COX7A2L: variants seen among roughly 807,000 people sequenced by gnomAD.
The protein encoded by COX7A2L is cytochrome c oxidase subunit 7A2-like, mitochondrial.
Under a neutral mutation model 14.2 loss-of-function variants are expected in COX7A2L, and 18 were observed. That is an observed-to-expected ratio of 1.27 (90% CI 0.88 to 1.88). The LOEUF is 1.88. COX7A2L is among the 40% of genes most tolerant of loss of function. The pLI is 0.00. For missense variants in COX7A2L, 179 were observed against 138.8 expected, an observed-to-expected ratio of 1.29 and a Z score of -1.46; for synonymous variants, 65 against 57.4, an observed-to-expected ratio of 1.13 and a Z score of -0.60.
At chr2:42,367,455 G>A (rs898212461) in intron 1 of COX7A2L, among the ~76,000 whole-genome samples, 6 of 152,130 alleles carry the variant, frequency 3.9e-5, no homozygotes, top group African/African-American at 1.4e-4. Context: ...AAATGGACAG[G>A]TCTGTAGTCT....
upstream of COX7A2L, among the ~76,000 whole-genome samples, chr2:42,364,664 GTGTGGAAATT>G (rs1342726349): frequency 6.6e-6 from 1 of 152,148 alleles, no homozygotes; most frequent in Non-Finnish European, 1.5e-5. Context: ...GCCCTATCTG[GTGTGGAAATT>G]TTATCTTCCA....
downstream of COX7A2L, among the ~76,000 whole-genome samples, chr2:42,346,300 C>A (rs1670497423): frequency 6.6e-6 from 1 of 152,178 alleles, no homozygotes. Flanking sequence ...AGGACAGGTA[C>A]CTTGGACTCG....
intron 1 of COX7A2L, among the ~76,000 whole-genome samples, chr2:42,356,900 T>C (rs968784177): frequency 6.6e-6 from 1 of 152,208 alleles, no homozygotes; most frequent in African/African-American, 2.4e-5. Context: ...TACTCCAGCC[T>C]GGGCGACAGA....
intron 2 of COX7A2L, 68 bp downstream of exon 2, chr2:42,353,144 G>C: frequency 6.4e-7 from 1 of 1,563,672 alleles, no homozygotes. Context: ...TTAAGATTTA[G>C]TTTCATAAGG....
At chr2:42,347,161 G>A (rs909121617), downstream of COX7A2L, among the ~76,000 whole-genome samples, 8 of 152,258 alleles carry the variant, frequency 5.3e-5, no homozygotes, top group South Asian at 2.1e-4. Context: ...CATGGCGCCC[G>A]GCCTAGTAAG....
At chr2:42,336,398 T>C (rs1279662964) in intron 2 of COX7A2L, among the ~76,000 whole-genome samples, 1 of 152,194 alleles carries the variant, frequency 6.6e-6, no homozygotes, top group Non-Finnish European at 1.5e-5. Context: ...CATCAACTCC[T>C]GACAGGGTGT....
rs141288244 is a variant in COX7A2L at position 42,361,158 on chromosome 2, A to G, written c.4T>C (p.Tyr2His). The G allele has an allele frequency of 3.5e-5, 56 of 1,612,330 alleles. No homozygotes were observed. Among genetic ancestry groups the G allele is most frequent in the Middle Eastern group, 3.3e-4 (2 of 6,072 alleles). Residue 2 changes from tyrosine to histidine, a missense_variant, in exon 1 of 3, where the codon TAC (tyrosine) becomes CAC (histidine). Coordinates refer to ENST00000234301, the MANE Select transcript of COX7A2L (RefSeq NM_004718.4). ...TGCGTGAAGCCACTAAACTTGTAGT[A>G]CATGACGCCCAGAGTCCGGCTTCCC... The part of the protein sequence containing the change: M[Y>H]YKFSGFTQKL...
chr2:42,347,121 T>A (rs1391651413), downstream of COX7A2L, among the ~76,000 whole-genome samples: 1 of 152,150 alleles, frequency 6.6e-6, no homozygotes, highest in Non-Finnish European at 1.5e-5. Flanking sequence ...CACCTCAGCC[T>A]CCCAACATGC....
At chr2:42,354,580 T>C (rs961827043) in intron 1 of COX7A2L, among the ~76,000 whole-genome samples, 1 of 152,202 alleles carries the variant, frequency 6.6e-6, no homozygotes, top group African/African-American at 2.4e-5. Context: ...ACAGGGCATA[T>C]TATAAAGATT....
In COX7A2L at chr2:42,340,534, G is replaced by A. The variant is rs1437187668; in HGVS notation, c.193-6665C>T. On this transcript the variant is annotated intron_variant, in intron 2 of 2. Transcript: ENST00000468711. The stretch of plus-strand genomic sequence containing the variant: ...CAGCCAGAGTCCAGCTCTCGGGCCT[G>A]GCCCCAGGAATGTGCTCCGTAACGC... Among the ~76,000 whole-genome samples, 3 of 152,226 alleles carry A rather than the reference G, an allele frequency of 2.0e-5. No homozygotes were observed. The South Asian group carries it at 6.2e-4, about 32-fold the overall frequency.
intron 1 of COX7A2L, among the ~76,000 whole-genome samples, chr2:42,367,573 G>C (rs1239480380): frequency 6.6e-6 from 1 of 152,238 alleles, no homozygotes; most frequent in Non-Finnish European, 1.5e-5. Context: ...GAACTGGAGA[G>C]GGTATGACAT....
At chr2:42,351,740 GAGAC>G (rs1314133429) in intron 2 of COX7A2L, among the ~76,000 whole-genome samples, 1 of 152,194 alleles carries the variant, frequency 6.6e-6, no homozygotes, top group African/African-American at 2.4e-5. Context: ...TTGGGAGGCC[GAGAC>G]AGGCAGATGG....
chr2:42,357,120 T>C (rs545932764), intron 1 of COX7A2L, among the ~76,000 whole-genome samples: 1 of 152,332 alleles, frequency 6.6e-6, no homozygotes, highest in Non-Finnish European at 1.5e-5. Context: ...AAAGTAAACA[T>C]GATTTTCCCT....
chr2:42,351,199 C>CT lies in COX7A2L; in HGVS notation c.*19_*20insA, dbSNP rs774131914. 71 of 1,603,934 alleles carry CT rather than the reference C, an allele frequency of 4.4e-5. No homozygotes were observed. The African/African-American group carries it at 6.7e-4, about 15-fold the overall frequency. On this transcript the variant is annotated 3_prime_UTR_variant, in exon 3 of 3. Coordinates refer to ENST00000234301, the MANE Select transcript of COX7A2L (RefSeq NM_004718.4). Reference sequence around the variant, plus strand: ...CAAAGGGTTTATGCCAAAAAACAAACCAGTCCTCTGCAGCCTAACTCATTT... The same window carrying CT: ...CAAAGGGTTTATGCCAAAAAACAAACTCAGTCCTCTGCAGCCTAACTCATTT...
chr2:42,361,146 T>C lies in COX7A2L; in HGVS notation c.16A>G (p.Ser6Gly), dbSNP rs1286358960. The stretch of plus-strand genomic sequence containing the variant: ...CCTGCCAACTTCTGCGTGAAGCCAC[T>C]AAACTTGTAGTACATGACGCCCAGA... MYYKF[S>G]GFTQKLAGAW... Residue 6 changes from serine to glycine, a missense_variant, in exon 1 of 3, where the codon AGT (serine) becomes GGT (glycine). By Grantham distance (56) the Ser-to-Gly change is moderately conservative. Coordinates refer to ENST00000234301, the MANE Select transcript of COX7A2L (RefSeq NM_004718.4). The C allele has an allele frequency of 6.2e-7, 1 of 1,613,648 alleles. No individual in the cohort carries two copies. The highest frequency in any genetic ancestry group is 8.5e-7 in the Non-Finnish European group (1 of 1,179,820).
chr2:42,348,853 G>C (rs974760916), downstream of COX7A2L, among the ~76,000 whole-genome samples: 1 of 152,104 alleles, frequency 6.6e-6, no homozygotes, highest in African/African-American at 2.4e-5. Context: ...GAGAGGCGGA[G>C]ATTGCAGTGA....
At chr2:42,354,743 T>C (rs1302508781) in intron 1 of COX7A2L, among the ~76,000 whole-genome samples, 3 of 152,184 alleles carry the variant, frequency 2.0e-5, no homozygotes, top group Non-Finnish European at 4.4e-5. Flanking sequence ...AACGTATTCA[T>C]TCATTCAACA....
chr2:42,358,190 G>C (rs187971980), intron 1 of COX7A2L, among the ~76,000 whole-genome samples: 227 of 152,302 alleles, frequency 1.5e-3, no homozygotes, highest in African/African-American at 5.3e-3. Context: ...CATTCTGGTG[G>C]ATACTAAATG....
At chr2:42,346,580 C>G (rs1352790785), downstream of COX7A2L, among the ~76,000 whole-genome samples, 1 of 152,064 alleles carries the variant, frequency 6.6e-6, no homozygotes. Context: ...GAGTTCAAGA[C>G]CAGCCTGGGC....
Sources: gnomAD v4.1 joint callset for allele counts (sites outside exome capture counted in the v4.1 genomes callset) on GRCh38, gnomAD v4.1.1 for gene constraint, MANE v1.5 for transcripts, NCBI Gene and HGNC (gene_info 2026-07-23, HGNC 2026-07-21) for gene names.